The following SPMAP2L variants were observed in gnomAD, a reference collection of about 807,000 sequenced individuals.
The protein encoded by SPMAP2L is sperm microtubule associated protein 2 like, also known as sperm microtubule associated protein 2-like.
the SPMAP2L span, among the ~76,000 whole-genome samples, chr4:56,581,609 G>C: frequency 6.6e-6 from 1 of 150,600 alleles, no homozygotes; most frequent in Non-Finnish European, 1.5e-5. Flanking sequence ...GACAGAACGA[G>C]ACCCTGTCTA....
the SPMAP2L span, among the ~76,000 whole-genome samples, chr4:56,573,894 C>G: frequency 6.6e-6 from 1 of 152,064 alleles, no homozygotes; most frequent in Non-Finnish European, 1.5e-5. Flanking sequence ...ACCAGTTCAG[C>G]CTAGATGTAA....
chr4:56,542,283 C>T, the SPMAP2L span, among the ~76,000 whole-genome samples: 1 of 152,194 alleles, frequency 6.6e-6, no homozygotes, highest in Admixed American at 6.5e-5. Flanking sequence ...ACTGCTTTCT[C>T]CTTTCTCTGG....
chr4:56,563,090 C>CTTTTTTTT, the SPMAP2L span, among the ~76,000 whole-genome samples: 6 of 98,274 alleles, frequency 6.1e-5, 1 homozygote, highest in Non-Finnish European at 9.0e-5. Context: ...GTTGTTAAGG[C>CTTTTTTTT]TTTTTTTTTT....
the SPMAP2L span, among the ~76,000 whole-genome samples, chr4:56,569,456 A>G: frequency 1.3e-3 from 190 of 151,840 alleles, no homozygotes; most frequent in Non-Finnish European, 2.1e-3. Flanking sequence ...CTTTGGAGAA[A>G]TGTTCATCCA....
At chr4:56,585,021 C>T in the SPMAP2L span, among the ~76,000 whole-genome samples, 10 of 152,088 alleles carry the variant, frequency 6.6e-5, no homozygotes, top group African/African-American at 1.4e-4. Context: ...TAACCTCTTC[C>T]GATGGAGGAA....
chr4:56,536,734 C>CTAG, the SPMAP2L span, among the ~76,000 whole-genome samples: 9 of 151,910 alleles, frequency 5.9e-5, no homozygotes, highest in Non-Finnish European at 1.3e-4. Context: ...TAGATGTTAG[C>CTAG]TAGTAGTAGT....
At chr4:56,559,670 C>A in the SPMAP2L span, 3 of 725,962 alleles carry the variant, frequency 4.1e-6, no homozygotes, top group South Asian at 3.9e-5. Flanking sequence ...CAGGTTCATG[C>A]GATTCTCCTG....
At chr4:56,544,935 C>T in the SPMAP2L span, among the ~76,000 whole-genome samples, 6 of 152,366 alleles carry the variant, frequency 3.9e-5, no homozygotes, top group Middle Eastern at 3.4e-3. Flanking sequence ...GACGACTGTC[C>T]GCAAGGTGGT....
chr4:56,589,314 C>A, the SPMAP2L span, among the ~76,000 whole-genome samples: 1 of 152,094 alleles, frequency 6.6e-6, no homozygotes, highest in African/African-American at 2.4e-5. Flanking sequence ...ATACCAGCAC[C>A]GTACTGTTTT....
chr4:56,593,642 C>A, the SPMAP2L span: 7 of 1,604,708 alleles, frequency 4.4e-6, no homozygotes, highest in Non-Finnish European at 6.0e-6. Context: ...CTATGGGGGA[C>A]CCCACGCAGC....
the SPMAP2L span, among the ~76,000 whole-genome samples, chr4:56,595,836 A>G: frequency 6.6e-6 from 1 of 152,202 alleles, no homozygotes; most frequent in Non-Finnish European, 1.5e-5. Flanking sequence ...TATACTGTGT[A>G]TATCTCTGTA....
chr4:56,533,368 T>C, the SPMAP2L span, among the ~76,000 whole-genome samples: 1 of 152,204 alleles, frequency 6.6e-6, no homozygotes, highest in Non-Finnish European at 1.5e-5. Flanking sequence ...TCTTAGCTGA[T>C]GATTTCACTT....
chr4:56,577,321 A>T, the SPMAP2L span, among the ~76,000 whole-genome samples: 1 of 152,130 alleles, frequency 6.6e-6, no homozygotes, highest in Non-Finnish European at 1.5e-5. Context: ...ACAAGAATAG[A>T]CTGAAAGTAA....
At chr4:56,539,260 G>A in the SPMAP2L span, among the ~76,000 whole-genome samples, 1 of 152,094 alleles carries the variant, frequency 6.6e-6, no homozygotes, top group Non-Finnish European at 1.5e-5. Context: ...AATAAGACAT[G>A]GATTCCTTCC....
At chr4:56,622,825 G>T in the SPMAP2L span, among the ~76,000 whole-genome samples, 2 of 152,144 alleles carry the variant, frequency 1.3e-5, no homozygotes, top group Non-Finnish European at 2.9e-5. Flanking sequence ...TGAAAAGCAT[G>T]ACTTTATTCT....
chr4:56,549,023 C>T, the SPMAP2L span, among the ~76,000 whole-genome samples: 2 of 148,064 alleles, frequency 1.4e-5, no homozygotes, highest in African/African-American at 5.0e-5. Flanking sequence ...GAGTCTCGCT[C>T]TGTTCCCCAG....
the SPMAP2L span, chr4:56,593,798 A>T: frequency 1.1e-5 from 18 of 1,598,646 alleles, no homozygotes; most frequent in Non-Finnish European, 1.5e-5. Context: ...TACCAGCAAC[A>T]TCTGTACAGC....
At chr4:56,567,441 G>GTTTTTTTTTTTTT in the SPMAP2L span, among the ~76,000 whole-genome samples, 1 of 80,470 alleles carries the variant, frequency 1.2e-5, no homozygotes, top group Non-Finnish European at 2.3e-5. Flanking sequence ...TAATTTTGGT[G>GTTTTTTTTTTTTT]GTTTTTTTTT....
At chr4:56,610,815 T>C in the SPMAP2L span, among the ~76,000 whole-genome samples, 2 of 152,082 alleles carry the variant, frequency 1.3e-5, no homozygotes, top group African/African-American at 4.8e-5. Flanking sequence ...AAGGAAGATA[T>C]ACAAATGGCC....
Sources: gnomAD v4.1 joint callset for allele counts (sites outside exome capture counted in the v4.1 genomes callset) on GRCh38, gnomAD v4.1.1 for gene constraint, MANE v1.5 for transcripts, NCBI Gene and HGNC (gene_info 2026-07-23, HGNC 2026-07-21) for gene names.